The following SORBS2 variants were observed in gnomAD, a reference collection of about 807,000 sequenced individuals.
SORBS2 encodes the protein sorbin and SH3 domain-containing protein 2.
In SORBS2, 46 loss-of-function variants were observed where a neutral mutation model predicts 97.7. The ratio of observed to expected loss-of-function variants is 0.47; its 90% CI spans 0.37 to 0.60. The LOEUF (loss-of-function observed/expected upper bound fraction) is 0.60, where lower values mean the gene tolerates loss of function less well. Ranked by LOEUF, SORBS2 falls within the 20% of genes least tolerant of loss-of-function variation. The probability of loss-of-function intolerance (pLI) is 0.00; values close to 1 mark genes in which losing one functional copy is unlikely to be tolerated. For missense variants in SORBS2, 1,316 were observed against 1,282.3 expected, an observed-to-expected ratio of 1.03 and a Z score of -0.40; for synonymous variants, 476 against 473.4, an observed-to-expected ratio of 1.01 and a Z score of -0.07.
At chr4:185,736,698 A>T (rs1436725119) in intron 2 of SORBS2, among the ~76,000 whole-genome samples, 1 of 152,148 alleles carries the variant, frequency 6.6e-6, no homozygotes, top group Non-Finnish European at 1.5e-5. Flanking sequence ...CCACTGGAAC[A>T]CAACCCACCC....
intron 5 of SORBS2, 121 bp downstream of exon 8, chr4:185,661,983 T>C (rs2097529372): frequency 9.3e-7 from 1 of 1,071,992 alleles, no homozygotes; most frequent in African/African-American, 1.6e-5. Context: ...AGTTTCTCCC[T>C]GGGGATAGGG....
intron 1 of SORBS2, among the ~76,000 whole-genome samples, chr4:185,785,383 C>T (rs377307444): frequency 3.3e-5 from 5 of 152,040 alleles, no homozygotes; most frequent in East Asian, 1.9e-4. Flanking sequence ...TTGTTCTAAG[C>T]GTTCCTGTGT....
At chr4:185,599,889 C>T (rs2096214575) in intron 12 of SORBS2, among the ~76,000 whole-genome samples, 1 of 143,920 alleles carries the variant, frequency 6.9e-6, no homozygotes, top group South Asian at 2.3e-4. Context: ...AGAGCCAGCC[C>T]TGGGGGCGGG....
At chr4:185,678,016 T>C (rs1245808772) in intron 4 of SORBS2, among the ~76,000 whole-genome samples, 1 of 152,202 alleles carries the variant, frequency 6.6e-6, no homozygotes, top group East Asian at 1.9e-4. Context: ...ACAATTTTCA[T>C]GCTTGTGGCA....
chr4:185,667,643 T>A (rs1229582810), intron 4 of SORBS2, among the ~76,000 whole-genome samples: 1 of 149,016 alleles, frequency 6.7e-6, no homozygotes, highest in Admixed American at 6.8e-5. Context: ...TAATCTTACT[T>A]AATATGATTT....
chr4:185,679,885 G>A lies in SORBS2; in HGVS notation c.-197-1063C>T, dbSNP rs145020751. Among the ~76,000 whole-genome samples the A allele has an allele frequency of 4.3e-3, 658 of 152,262 alleles. 1 individual carries two copies. Among genetic ancestry groups the A allele is most frequent in the Admixed American group, 7.1e-3 (108 of 15,290 alleles). ...ATGATAAAAATGGGCTGAGAAATGC[G>A]AGCATCTGATTTTTAGATAAAATAT... On this transcript the variant is annotated intron_variant, in intron 2 of 20. Transcript: ENST00000284776.
Position 185,611,820 on chromosome 4 carries a change from C to T in SORBS2, c.2756G>A (p.Ser919Asn), listed in dbSNP as rs776104385. 3.1e-6 allele frequency: 5 copies of T among 1,613,968 alleles called. No individual in the cohort carries two copies. The African/African-American group carries it at 5.3e-5, about 17-fold the overall frequency. ...GCTGTGAATCCTATCACTAGAATAGCTGTGGGGTATTGGAGGGTCAGGGTA... is the reference window on the plus strand; with the variant it reads ...GCTGTGAATCCTATCACTAGAATAGTTGTGGGGTATTGGAGGGTCAGGGTA... Residue 919 changes from serine to asparagine, a missense_variant, in exon 12 of 15, where the codon AGC (serine) becomes AAC (asparagine). Physicochemically the swap from Ser to Asn is conservative, Grantham distance 46. Transcript: ENST00000418609.
At chr4:185,763,895 AAAAC>A (rs2098919226) in intron 2 of SORBS2, among the ~76,000 whole-genome samples, 1 of 152,222 alleles carries the variant, frequency 6.6e-6, no homozygotes, top group African/African-American at 2.4e-5. Flanking sequence ...GTCTATGGAT[AAAAC>A]AAATAGAAAA....
At chr4:185,724,887 T>A (rs183372500) in intron 2 of SORBS2, among the ~76,000 whole-genome samples, 251 of 152,366 alleles carry the variant, frequency 1.6e-3, no homozygotes, top group Non-Finnish European at 3.0e-3. Context: ...CCTTGAGCAA[T>A]GCTAAATACT....
intron 1 of SORBS2, among the ~76,000 whole-genome samples, chr4:185,819,572 T>C (rs1022882618): frequency 6.6e-6 from 1 of 152,238 alleles, no homozygotes; most frequent in African/African-American, 2.4e-5. Context: ...AGGGAGTGGA[T>C]AGACAACAAG....
At chr4:185,946,693 A>G (rs1356867229) in intron 1 of SORBS2, among the ~76,000 whole-genome samples, 1 of 152,226 alleles carries the variant, frequency 6.6e-6, no homozygotes, top group African/African-American at 2.4e-5. Context: ...AAATATATTA[A>G]TGGAATAAAT....
At chr4:185,890,643 G>A (rs2099242013) in intron 1 of SORBS2, among the ~76,000 whole-genome samples, 1 of 152,164 alleles carries the variant, frequency 6.6e-6, no homozygotes, top group South Asian at 2.1e-4. Flanking sequence ...TGCCTGCTGA[G>A]GCCAGATGCT....
intron 2 of SORBS2, among the ~76,000 whole-genome samples, chr4:185,743,887 CCTCCTTCTTCTT>C (rs2098742981): frequency 1.3e-5 from 2 of 149,084 alleles, no homozygotes; most frequent in East Asian, 4.0e-4. Context: ...TCTTTCTCCT[CCTCCTTCTTCTT>C]CTCCTTCTCC....
exon 6 of SORBS2, chr4:185,626,876 T>C: frequency 6.2e-7 from 1 of 1,614,232 alleles, no homozygotes; most frequent in Non-Finnish European, 8.5e-7. Flanking sequence ...AGTGAAAGAC[T>C]TTGTAAGAGT....
upstream of SORBS2, among the ~76,000 whole-genome samples, chr4:185,661,051 G>T (rs2097509109): frequency 6.6e-6 from 1 of 152,080 alleles, no homozygotes; most frequent in African/African-American, 2.4e-5. Flanking sequence ...GAGGCAGGTG[G>T]ATCACCTGAG....
intron 2 of SORBS2, among the ~76,000 whole-genome samples, chr4:185,681,239 G>A (rs990475741): frequency 3.9e-5 from 6 of 152,216 alleles, no homozygotes; most frequent in African/African-American, 1.4e-4. Flanking sequence ...ACCCAGTCCT[G>A]ATTTGCTCTT....
At chr4:185,835,067 C>A (rs375525762) in intron 1 of SORBS2, among the ~76,000 whole-genome samples, 38 of 152,148 alleles carry the variant, frequency 2.5e-4, no homozygotes, top group Non-Finnish European at 4.9e-4. Flanking sequence ...GCAGCTCCCC[C>A]CAATCTCTCC....
intron 8 of SORBS2, 86 bp downstream of exon 20, chr4:185,619,977 G>C (rs1278166303): frequency 2.4e-6 from 2 of 835,102 alleles, no homozygotes; most frequent in Admixed American, 3.5e-5. Context: ...GTCCGAGTTC[G>C]TTACTGGTTT....
chr4:185,712,550 C>T (rs571085470), intron 2 of SORBS2, among the ~76,000 whole-genome samples: 1 of 152,320 alleles, frequency 6.6e-6, no homozygotes, highest in Non-Finnish European at 1.5e-5. Flanking sequence ...CTGCCTCATG[C>T]GAAAAGGCAG....
Sources: gnomAD v4.1 joint callset for allele counts (sites outside exome capture counted in the v4.1 genomes callset) on GRCh38, gnomAD v4.1.1 for gene constraint, MANE v1.5 for transcripts, NCBI Gene and HGNC (gene_info 2026-07-23, HGNC 2026-07-21) for gene names.